Variants in RPS6KC1 observed in about 807,000 individuals in gnomAD.
RPS6KC1 encodes inactive ribosomal protein S6 kinase delta-1.
RPS6KC1 carries 54 observed loss-of-function variants against 103.8 expected under a neutral mutation model. The ratio of observed to expected loss-of-function variants is 0.52; its 90% CI spans 0.42 to 0.65. The LOEUF is 0.65. Among genes scored for constraint, RPS6KC1 ranks in the 30% least tolerant of loss-of-function variants. The pLI, the probability that RPS6KC1 is intolerant of heterozygous loss-of-function variation, is 0.00. For synonymous variants in RPS6KC1, 439 were observed against 438.7 expected (o/e 1.00, Z -0.01); for missense variants, 1,151 against 1,253.8 (o/e 0.92, Z 1.24).
At chr1:213,729,226 T>C in the RPS6KC1 span, among the ~76,000 whole-genome samples, 3 of 152,090 alleles carry the variant, frequency 2.0e-5, no homozygotes, top group Admixed American at 1.3e-4. Flanking sequence ...TTTCCAGAAG[T>C]AAGCAGGTTA....
intron 3 of RPS6KC1, among the ~76,000 whole-genome samples, chr1:213,095,201 G>A (rs2081336024): frequency 6.6e-6 from 1 of 152,198 alleles, no homozygotes; most frequent in South Asian, 2.1e-4. Context: ...AACTACAGGT[G>A]TGTTCCTGGT....
chr1:213,313,448 G>A, the RPS6KC1 span, among the ~76,000 whole-genome samples: 1 of 152,014 alleles, frequency 6.6e-6, no homozygotes, highest in Admixed American at 6.6e-5. Flanking sequence ...CAGGGACCAG[G>A]AACTCTTCTC....
At chr1:213,558,863 G>A in the RPS6KC1 span, among the ~76,000 whole-genome samples, 1 of 152,276 alleles carries the variant, frequency 6.6e-6, no homozygotes. Flanking sequence ...TCTGTTTTCT[G>A]TACATCACTT....
rs903100846 is a variant in RPS6KC1, at chr1:213,170,533, A to G, written c.951+2560A>G. Among the ~76,000 whole-genome samples, 4 of 152,232 alleles carry G rather than the reference A, an allele frequency of 2.6e-5. 1 individual carries two copies. The highest frequency in any genetic ancestry group is 1.3e-4 in the Admixed American group (2 of 15,286). On this transcript the variant is annotated intron_variant, in intron 7 of 14. Transcript: ENST00000366960. ...CCTGTATATGTACATAGTTGAGCAA[A>G]CAAAGTTACACTGGTAAGAGCCATC...
chr1:213,787,081 C>T, the RPS6KC1 span, among the ~76,000 whole-genome samples: 1 of 152,196 alleles, frequency 6.6e-6, no homozygotes, highest in African/African-American at 2.4e-5. Context: ...GGATCCACCA[C>T]TTACTAACCT....
chr1:213,854,566 C>CTCTTTCTT, the RPS6KC1 span, among the ~76,000 whole-genome samples: 2 of 61,826 alleles, frequency 3.2e-5, no homozygotes, highest in Non-Finnish European at 8.4e-5. Flanking sequence ...CTTTCTTTCT[C>CTCTTTCTT]TCTCTCTCTC....
the RPS6KC1 span, among the ~76,000 whole-genome samples, chr1:213,330,586 G>A: frequency 6.6e-6 from 1 of 152,132 alleles, no homozygotes; most frequent in Non-Finnish European, 1.5e-5. Context: ...CCCCTTCTTG[G>A]GCTCAAGAGG....
chr1:213,080,117 C>CA (rs1323706644), intron 3 of RPS6KC1, among the ~76,000 whole-genome samples: 1 of 151,930 alleles, frequency 6.6e-6, no homozygotes, highest in Non-Finnish European at 1.5e-5. Context: ...AGAGTTTCGC[C>CA]ATGTTGGACA....
chr1:213,557,653 A>T, the RPS6KC1 span, among the ~76,000 whole-genome samples: 820 of 152,316 alleles, frequency 5.4e-3, 8 homozygotes, highest in South Asian at 0.02. Flanking sequence ...TGTTAGCTTG[A>T]TATATGGTAG....
At chr1:213,773,575 T>C in the RPS6KC1 span, among the ~76,000 whole-genome samples, 1 of 150,560 alleles carries the variant, frequency 6.6e-6, no homozygotes. Flanking sequence ...TATGTATATG[T>C]ATCTATATAT....
chr1:213,365,999 T>C, the RPS6KC1 span, among the ~76,000 whole-genome samples: 2 of 152,314 alleles, frequency 1.3e-5, no homozygotes, highest in South Asian at 2.1e-4. Context: ...TCTCAAAGGG[T>C]AGGGAATTAA....
chr1:213,608,665 A>G, the RPS6KC1 span, among the ~76,000 whole-genome samples: 5 of 152,258 alleles, frequency 3.3e-5, no homozygotes, highest in African/African-American at 1.2e-4. Flanking sequence ...TTCTTATCCA[A>G]AATTTCACCA....
At chr1:213,737,153 C>T in the RPS6KC1 span, among the ~76,000 whole-genome samples, 1 of 152,188 alleles carries the variant, frequency 6.6e-6, no homozygotes, top group South Asian at 2.1e-4. Context: ...AAGCCAAGTT[C>T]TGTAAAAAAC....
chr1:213,836,175 A>G, the RPS6KC1 span: 1 of 152,114 alleles, frequency 6.6e-6, no homozygotes, highest in African/African-American at 2.4e-5. Context: ...AAAAAATAGT[A>G]TCAACAGAGT....
At chr1:213,646,739 T>C in the RPS6KC1 span, among the ~76,000 whole-genome samples, 1 of 151,842 alleles carries the variant, frequency 6.6e-6, no homozygotes, top group Non-Finnish European at 1.5e-5. Flanking sequence ...CTCCCTGAGC[T>C]CTCCTGAGGT....
intron 12 of RPS6KC1, among the ~76,000 whole-genome samples, chr1:213,245,815 A>G (rs1054342777): frequency 1.3e-5 from 2 of 152,166 alleles, no homozygotes; most frequent in African/African-American, 4.8e-5. Context: ...TGAGGGGAAA[A>G]GCAAGACAGA....
At chr1:213,086,435 A>G (rs1487377417) in intron 3 of RPS6KC1, among the ~76,000 whole-genome samples, 2 of 152,216 alleles carry the variant, frequency 1.3e-5, no homozygotes, top group Non-Finnish European at 2.9e-5. Flanking sequence ...GTCAGGGACA[A>G]CCAGTGGGTT....
chr1:213,616,671 A>T, the RPS6KC1 span, among the ~76,000 whole-genome samples: 1 of 152,206 alleles, frequency 6.6e-6, no homozygotes. Flanking sequence ...CCAGAGGCTT[A>T]ATAGCTACGT....
the RPS6KC1 span, among the ~76,000 whole-genome samples, chr1:213,304,006 C>T: frequency 1.3e-5 from 2 of 151,186 alleles, no homozygotes; most frequent in Non-Finnish European, 3.0e-5. Context: ...GAGATCGAGA[C>T]CATCCCGGCT....
Sources: gnomAD v4.1 joint callset for allele counts (sites outside exome capture counted in the v4.1 genomes callset) on GRCh38, gnomAD v4.1.1 for gene constraint, MANE v1.5 for transcripts, NCBI Gene and HGNC (gene_info 2026-07-23, HGNC 2026-07-21) for gene names.